Variants in PKD2 observed in about 807,000 individuals in gnomAD.
PKD2 encodes polycystin 2, transient receptor potential cation channel.
Under a neutral mutation model 105.9 loss-of-function variants are expected in PKD2, and 48 were observed. The ratio of observed to expected loss-of-function variants is 0.45; its 90% confidence interval spans 0.36 to 0.58. PKD2 has a LOEUF of 0.58. PKD2 is among the 20% of genes least tolerant of loss of function. The pLI is 0.00. For synonymous variants in PKD2, 464 were observed against 481.1 expected, an observed-to-expected ratio of 0.96 and a Z score of 0.46; for missense variants, 1,078 against 1,255.3, an observed-to-expected ratio of 0.86 and a Z score of 2.13.
At chr4:88,016,339 T>C (rs2728114) in intron 1 of PKD2, among the ~76,000 whole-genome samples, 35,835 of 152,056 alleles carry the variant, frequency 0.24, 5,014 homozygotes, top group East Asian at 0.67. Context: ...CCTGGAAACA[T>C]TGAATACCTT....
chr4:88,032,307 A>G (rs531693885), intron 2 of PKD2, among the ~76,000 whole-genome samples: 169 of 152,292 alleles, frequency 1.1e-3, no homozygotes, highest in African/African-American at 3.9e-3. Flanking sequence ...TAAGAATAAA[A>G]TAGTATTTGT....
At chr4:88,024,562 A>G (rs1298327179) in intron 2 of PKD2, among the ~76,000 whole-genome samples, 2 of 151,900 alleles carry the variant, frequency 1.3e-5, no homozygotes, top group African/African-American at 4.8e-5. Flanking sequence ...AATAATAAAA[A>G]TGTATTTGTC....
chr4:88,040,043 G>T (rs1207106542), intron 4 of PKD2, among the ~76,000 whole-genome samples: 2 of 152,222 alleles, frequency 1.3e-5, no homozygotes, highest in Middle Eastern at 3.4e-3. Flanking sequence ...CTCTGTGCCA[G>T]ACATTATTTA....
intron 12 of PKD2, 52 bp downstream of exon 12, chr4:88,065,931 G>C: frequency 3.1e-6 from 3 of 961,724 alleles, no homozygotes; most frequent in Middle Eastern, 2.1e-4. Flanking sequence ...CAACACCACA[G>C]ATGTATCAAA....
intron 1 of PKD2, among the ~76,000 whole-genome samples, chr4:88,009,059 T>C (rs1726300206): frequency 6.6e-6 from 1 of 152,206 alleles, no homozygotes; most frequent in African/African-American, 2.4e-5. Context: ...TCTTTGAAAT[T>C]CCACCAAAAT....
intron 1 of PKD2, among the ~76,000 whole-genome samples, chr4:88,016,145 G>T (rs540202703): frequency 6.6e-6 from 1 of 152,284 alleles, no homozygotes; most frequent in Non-Finnish European, 1.5e-5. Context: ...ATGCTCACTT[G>T]CCTGCGGCTC....
At chr4:88,062,296 T>A (rs1405587931) in intron 10 of PKD2, among the ~76,000 whole-genome samples, 1 of 152,204 alleles carries the variant, frequency 6.6e-6, no homozygotes, top group Non-Finnish European at 1.5e-5. Context: ...TTTTGACATC[T>A]CCTGTAGCTG....
chr4:88,018,758 A>G (rs1206211975), intron 1 of PKD2, among the ~76,000 whole-genome samples: 1 of 152,200 alleles, frequency 6.6e-6, no homozygotes, highest in Non-Finnish European at 1.5e-5. Flanking sequence ...ATGGTTGTTG[A>G]TTCTACTCTT....
Position 88,024,508 on chromosome 4 carries a change from A to G in PKD2, c.709+4937A>G, listed in dbSNP as rs1028755965. 4.7e-5 allele frequency among the ~76,000 whole-genome samples: 7 copies of G among 149,914 alleles called. No individual in the cohort carries two copies. In the East Asian group the frequency reaches 1.2e-3, roughly 25 times the overall value. Reference sequence around the variant, plus strand: ...GAAAGAAAGAAGGAAGGAAGGAAAGAAAAAAAAAGGAAAAAATGCAAGGAA... The same window carrying G: ...GAAAGAAAGAAGGAAGGAAGGAAAGGAAAAAAAAGGAAAAAATGCAAGGAA... On this transcript the variant is annotated intron_variant, in intron 2 of 14. Transcript: ENST00000237596.
chr4:88,023,419 G>C (rs1297118969), intron 2 of PKD2, among the ~76,000 whole-genome samples: 1 of 152,174 alleles, frequency 6.6e-6, no homozygotes, highest in Non-Finnish European at 1.5e-5. Flanking sequence ...CCACCCCCAT[G>C]ATCTGATCAC....
At chr4:88,040,069 C>T (rs748784842) in intron 4 of PKD2, among the ~76,000 whole-genome samples, 4 of 152,166 alleles carry the variant, frequency 2.6e-5, no homozygotes, top group Non-Finnish European at 5.9e-5. Context: ...TTATTTCACG[C>T]ATTATCTCAT....
intron 1 of PKD2, 115 bp from the exon 2 acceptor site, chr4:88,019,343 G>T: frequency 6.6e-6 from 4 of 606,198 alleles, no homozygotes; most frequent in Non-Finnish European, 1.2e-5. Flanking sequence ...AAAAAAAAAA[G>T]GAGAATCTCC....
rs988448705 is a variant in PKD2 at position 88,007,716 on chromosome 4, C to G, written c.-18C>G. ...AGCGCGGCGCCGCGCACCCGCGCGC[C>G]GGACGCCAGTGACCGCGATGGTGAA... On this transcript the variant is annotated 5_prime_UTR_variant, in exon 1 of 15. Coordinates refer to ENST00000237596, the MANE Select transcript of PKD2 (RefSeq NM_000297.4). 94 of 1,188,642 alleles carry G rather than the reference C, an allele frequency of 7.9e-5. No individual in the cohort carries two copies. In the African/African-American group the frequency reaches 1.1e-3, roughly 14 times the overall value. 73.6% of individuals were successfully genotyped at this position (1,188,642 alleles called of 1,614,324 possible). A position where few individuals can be genotyped will look rare whatever the true frequency, so the allele number is the denominator to read the frequency against.
chr4:88,071,376 G>T (rs1721027491), intron 13 of PKD2, among the ~76,000 whole-genome samples: 2 of 151,830 alleles, frequency 1.3e-5, no homozygotes, highest in African/African-American at 2.4e-5. Context: ...CCATGGTGGG[G>T]TTTTTTATTA....
chr4:88,055,441 A>G (rs2725208), intron 7 of PKD2, among the ~76,000 whole-genome samples: 46,927 of 151,862 alleles, frequency 0.31, 10,982 homozygotes, highest in African/African-American at 0.65. Flanking sequence ...GGCTCAAGCA[A>G]CCCTCCCACC....
intron 6 of PKD2, 49 bp downstream of exon 6, chr4:88,046,919 T>G (rs772592995): frequency 1.9e-6 from 2 of 1,049,414 alleles, no homozygotes; most frequent in South Asian, 2.5e-5. Flanking sequence ...TACAAGCATG[T>G]TAACTAGAGT....
intron 1 of PKD2, among the ~76,000 whole-genome samples, chr4:88,016,236 A>G (rs1437408450): frequency 6.6e-6 from 1 of 152,122 alleles, no homozygotes; most frequent in Non-Finnish European, 1.5e-5. Context: ...ACCCTGCTTT[A>G]GATGATGTAC....
In PKD2 at chr4:88,067,987, C is replaced by T. The variant is rs371289455; in HGVS notation, c.2448C>T (p.Asp816=). 12 of 1,613,726 alleles carry T rather than the reference C, an allele frequency of 7.4e-6. No individual in the cohort carries two copies. Among genetic ancestry groups the T allele is most frequent in the Middle Eastern group, 1.6e-4 (1 of 6,082 alleles). ...PRSLDDSEED[D]DEDSGHSSRR... is the part of the protein sequence containing the mutation. ...GCCTGGATGACTCTGAGGAGGATGA[C>T]GATGAAGATAGCGGACATAGCTCCA... The change falls in exon 13 of 15, where the codon GAC becomes GAT. Residue 816 remains aspartate (D), a synonymous_variant. Transcript: ENST00000237596.
intron 2 of PKD2, among the ~76,000 whole-genome samples, chr4:88,035,486 T>C (rs1040481374): frequency 3.3e-5 from 5 of 152,190 alleles, no homozygotes; most frequent in African/African-American, 4.8e-5. Flanking sequence ...AAAAAGTTAC[T>C]ACCTCCAGGC....
Sources: allele counts gnomAD v4.1 joint callset (sites outside exome capture counted in the v4.1 genomes callset), GRCh38; gene constraint gnomAD v4.1.1; transcripts MANE v1.5; gene names NCBI Gene and HGNC (gene_info 2026-07-23, HGNC 2026-07-21).